Variants in RNASEH1 observed in about 807,000 individuals in gnomAD.
RNASEH1 encodes the protein ribonuclease H type II.
RNASEH1 carries 27 observed loss-of-function variants against 34.6 expected under a neutral mutation model. The observed-to-expected ratio is 0.78, with a 90% CI of 0.58 to 1.08. RNASEH1 has a LOEUF of 1.08. RNASEH1 is among the 50% of genes least tolerant of loss of function. The probability of loss-of-function intolerance (pLI) is 0.00; values close to 1 mark genes in which losing one functional copy is unlikely to be tolerated. For missense variants in RNASEH1, 349 were observed against 373.6 expected (o/e 0.93, Z 0.54); for synonymous variants, 162 against 138.4 (o/e 1.17, Z -1.20).
chr2:3,557,913 A>G lies in RNASEH1; in HGVS notation c.128+220T>C, dbSNP rs887107140. 5.4e-5 allele frequency: 83 copies of G among 1,523,724 alleles called. 1 individual carries two copies. The highest frequency in any genetic ancestry group is 3.4e-4 in the Middle Eastern group (2 of 5,896). 94.4% of individuals were successfully genotyped at this position (1,523,724 alleles called of 1,614,324 possible). A position where few individuals can be genotyped will look rare whatever the true frequency, so the allele number is the denominator to read the frequency against. ...CCCTAACCTTTACGCGACGTTTCTG[A>G]TATTTCAAACAAGTCTTCGGTGCGT... On this transcript the variant is annotated intron_variant, in intron 1 of 7. Coordinates refer to ENST00000315212, the MANE Select transcript of RNASEH1 (RefSeq NM_002936.6).
chr2:3,555,310 G>C (rs773157300), intron 2 of RNASEH1, among the ~76,000 whole-genome samples: 1 of 152,034 alleles, frequency 6.6e-6, no homozygotes, highest in Non-Finnish European at 1.5e-5. Context: ...GAAAAAAGTC[G>C]CCTTCCTTGC....
At chr2:3,555,029 C>A (rs1660346188) in intron 2 of RNASEH1, among the ~76,000 whole-genome samples, 1 of 152,118 alleles carries the variant, frequency 6.6e-6, no homozygotes, top group African/African-American at 2.4e-5. Context: ...AAAACTAACC[C>A]CCAAGGAGAT....
chr2:3,537,538 C>T (rs534518426), downstream of RNASEH1, among the ~76,000 whole-genome samples: 177 of 152,030 alleles, frequency 1.2e-3, 1 homozygote, highest in East Asian at 5.8e-4. Context: ...GCCTGGACAA[C>T]GTAGTGAGAC....
At position 3,544,920 on chromosome 2, in the gene RNASEH1, C is replaced by G. The variant is rs1295618400; in HGVS notation, c.*865G>C. ...CTCCCAAGTAGCTGGGACTACAAGC[C>G]CGTGCCACCACACCTGGATAATTTT... On this transcript the variant is annotated 3_prime_UTR_variant, in exon 8 of 8. Coordinates refer to ENST00000315212, the MANE Select transcript of RNASEH1 (RefSeq NM_002936.6). 1.3e-5 allele frequency: 2 copies of G among 151,494 alleles called. No homozygotes were observed. The highest frequency in any genetic ancestry group is 2.9e-5 in the Non-Finnish European group (2 of 67,938). The allele number at this position is 151,494 out of a possible 1,614,324, so 9.4% of individuals were successfully genotyped here. A position where few individuals can be genotyped will look rare whatever the true frequency, so the allele number is the denominator to read the frequency against.
At chr2:3,556,977 G>A in intron 1 of RNASEH1, 73 bp from the exon 2 acceptor site, 3 of 1,160,464 alleles carry the variant, frequency 2.6e-6, no homozygotes, top group Non-Finnish European at 3.9e-6. Flanking sequence ...GATTCTTAAG[G>A]TTGGAAATAC....
At chr2:3,536,967 T>C (rs1408569735), downstream of RNASEH1, 1 of 152,186 alleles carries the variant, frequency 6.6e-6, no homozygotes, top group East Asian at 1.9e-4. Context: ...GGGACACCCA[T>C]CCCATCGGGT....
In RNASEH1 at chr2:3,545,687, T is replaced by C. The variant is rs1668678122; in HGVS notation, c.*98A>G. ...TGTGAAAGACGCATCTGCCCATCACTGCAATGGTCCTACCTGCAGGCTATT... is the reference window on the plus strand; with the variant it reads ...TGTGAAAGACGCATCTGCCCATCACCGCAATGGTCCTACCTGCAGGCTATT... On this transcript the variant is annotated 3_prime_UTR_variant, in exon 8 of 8. Transcript: ENST00000315212. The C allele has an allele frequency of 5.0e-6, 4 of 803,088 alleles. No homozygotes were observed. The highest frequency in any genetic ancestry group is 8.9e-6 in the Non-Finnish European group (4 of 447,676). The allele number at this position is 803,088 out of a possible 1,614,324, so 49.7% of individuals were successfully genotyped here. A position where few individuals can be genotyped will look rare whatever the true frequency, so the allele number is the denominator to read the frequency against.
At chr2:3,534,869 T>C in the RNASEH1 span, among the ~76,000 whole-genome samples, 1 of 152,226 alleles carries the variant, frequency 6.6e-6, no homozygotes. Context: ...TGGAGGAACC[T>C]TGAGGACATT....
At chr2:3,539,201 G>A (rs1472273770), downstream of RNASEH1, among the ~76,000 whole-genome samples, 1 of 151,976 alleles carries the variant, frequency 6.6e-6, no homozygotes, top group Non-Finnish European at 1.5e-5. Flanking sequence ...TAAATCCTAG[G>A]TTAAAGACCC....
chr2:3,551,493 C>CTT (rs75506102), intron 3 of RNASEH1, among the ~76,000 whole-genome samples: 1 of 152,186 alleles, frequency 6.6e-6, no homozygotes, highest in East Asian at 1.9e-4. Context: ...CTTGTTTGAT[C>CTT]TTTTTTTACG....
intron 2 of RNASEH1, among the ~76,000 whole-genome samples, chr2:3,552,867 C>T (rs1262381099): frequency 6.6e-6 from 1 of 152,010 alleles, no homozygotes; most frequent in East Asian, 1.9e-4. Context: ...TGAGTTGTGT[C>T]CATGGTTCAG....
intron 4 of RNASEH1, chr2:3,550,163 AAAAAG>A: frequency 4.1e-6 from 2 of 485,070 alleles, no homozygotes; most frequent in South Asian, 4.5e-5. Flanking sequence ...AAAAAAAAAA[AAAAAG>A]CAAAGGAAGT....
intron 1 of RNASEH1, 33 bp downstream of exon 1, chr2:3,558,100 G>C: frequency 1.3e-6 from 2 of 1,566,486 alleles, no homozygotes; most frequent in Non-Finnish European, 1.7e-6. Context: ...CCCGATGCCG[G>C]CAGGGAGGCG....
chr2:3,539,134 A>G (rs1388515884), downstream of RNASEH1, among the ~76,000 whole-genome samples: 2 of 152,038 alleles, frequency 1.3e-5, no homozygotes, highest in African/African-American at 2.4e-5. Context: ...GTTTTTGCTT[A>G]TGGCTCTTCA....
At position 3,550,428 on chromosome 2, in the gene RNASEH1, C is replaced by G; in HGVS notation, c.454G>C (p.Gly152Arg). 1 of 1,614,188 alleles carries G rather than the reference C, an allele frequency of 6.2e-7. No homozygotes were observed. The highest frequency in any genetic ancestry group is 8.5e-7 in the Non-Finnish European group (1 of 1,180,028). Residue 152 changes from glycine to arginine, a missense_variant, in exon 4 of 8, where the codon GGG (glycine) becomes CGG (arginine). Gly to Arg is a moderately radical substitution (Grantham distance 125). Around this residue, in one of 2 missense-constraint regions of RNASEH1, gnomAD observed 256 missense variants for 240.7 expected, o/e 1.06. Coordinates refer to ENST00000315212, the MANE Select transcript of RNASEH1 (RefSeq NM_002936.6). ...ATTCCTGCTCGCGGCCTTCTACGCC[C>G]ATTACTGGAGCAGCAGCCATCAGTG... ...VYTDGCCSSN[G>R]RRRPRAGIGV...
chr2:3,539,061 AG>A (rs748008345), downstream of RNASEH1, among the ~76,000 whole-genome samples: 13 of 151,666 alleles, frequency 8.6e-5, no homozygotes, highest in Non-Finnish European at 1.8e-4. Flanking sequence ...TTCAATTTCT[AG>A]TTCTTATATA....
chr2:3,557,887 C>T, intron 1 of RNASEH1: 1 of 1,498,078 alleles, frequency 6.7e-7, no homozygotes, highest in Non-Finnish European at 9.0e-7. Flanking sequence ...TATTAGGCCA[C>T]CCCTAACCTT....
In RNASEH1 at chr2:3,545,553, T is replaced by TA; in HGVS notation, c.*231dup. 3 of 551,592 alleles carry TA rather than the reference T, an allele frequency of 5.4e-6. No individual in the cohort carries two copies. Among genetic ancestry groups the TA allele is most frequent in the South Asian group, 2.4e-5 (1 of 42,402 alleles). 34.2% of individuals were successfully genotyped at this position (551,592 alleles called of 1,614,324 possible). A position where few individuals can be genotyped will look rare whatever the true frequency, so the allele number is the denominator to read the frequency against. On this transcript the variant is annotated 3_prime_UTR_variant, in exon 8 of 8. Coordinates refer to ENST00000315212, the MANE Select transcript of RNASEH1 (RefSeq NM_002936.6). The stretch of plus-strand genomic sequence containing the variant: ...AGGACAGTATTGAACCCAGTAAACA[T>TA]AATGTGGAAATCTCACATAATTCTC...
At chr2:3,532,370 G>A in the RNASEH1 span, 1 of 702,164 alleles carries the variant, frequency 1.4e-6, no homozygotes, top group East Asian at 2.7e-5. Flanking sequence ...AGCCAGAGAG[G>A]GCCCGATCAG....
Sources: allele counts gnomAD v4.1 joint callset (sites outside exome capture counted in the v4.1 genomes callset), GRCh38; gene constraint gnomAD v4.1.1; regional missense constraint gnomAD v4.1.1; transcripts MANE v1.5; gene names NCBI Gene and HGNC (gene_info 2026-07-23, HGNC 2026-07-21).